Variants in PEAK1 observed in about 807,000 individuals in gnomAD.
The protein encoded by PEAK1 is pseudopodium enriched atypical kinase 1, also known as inactive tyrosine-protein kinase PEAK1.
Under a neutral mutation model 124.7 loss-of-function variants are expected in PEAK1, and 54 were observed. The ratio of observed to expected loss-of-function variants is 0.43; its 90% confidence interval spans 0.35 to 0.54. PEAK1 has a LOEUF of 0.54. Ranked by LOEUF, PEAK1 falls within the 20% of genes least tolerant of loss-of-function variation. PEAK1 has a pLI of 0.01. For missense variants in PEAK1, 2,046 were observed against 2,134.5 expected, an observed-to-expected ratio of 0.96 and a Z score of 0.82; for synonymous variants, 719 against 760.0, an observed-to-expected ratio of 0.95 and a Z score of 0.89.
intron 2 of PEAK1, 118 bp from the exon 3 acceptor site, chr15:77,286,622 T>C: frequency 2.2e-6 from 1 of 461,014 alleles, no homozygotes; most frequent in Non-Finnish European, 3.5e-6. Context: ...TTATTCTATT[T>C]GATGAACTTA....
intron 2 of PEAK1, among the ~76,000 whole-genome samples, chr15:77,305,777 G>C (rs548462043): frequency 2.6e-5 from 4 of 152,272 alleles, no homozygotes; most frequent in African/African-American, 9.6e-5. Context: ...TATATAACCT[G>C]TGCACATCTT....
chr15:77,402,501 A>C (rs2071458027), intron 1 of PEAK1: 1 of 966,384 alleles, frequency 1.0e-6, no homozygotes, highest in Non-Finnish European at 1.2e-6. Context: ...TTACATGTTA[A>C]AATTATTAGT....
intron 2 of PEAK1, chr15:77,356,035 T>A: frequency 1.4e-6 from 1 of 705,812 alleles, no homozygotes; most frequent in Non-Finnish European, 1.7e-6. Flanking sequence ...TGTATTCCAG[T>A]GCCCATGTGC....
At chr15:77,169,147 T>C (rs2056330654) in intron 7 of PEAK1, among the ~76,000 whole-genome samples, 1 of 152,172 alleles carries the variant, frequency 6.6e-6, no homozygotes, top group Non-Finnish European at 1.5e-5. Flanking sequence ...CAGGCTGAAC[T>C]TGAACTCCTG....
intron 1 of PEAK1, among the ~76,000 whole-genome samples, chr15:77,386,953 A>G (rs995808039): frequency 1.3e-5 from 2 of 152,136 alleles, no homozygotes; most frequent in Admixed American, 6.6e-5. Flanking sequence ...TCTCTAATAC[A>G]ATTATTGTGT....
At chr15:77,107,688 A>C (rs916530079), downstream of PEAK1, 1 of 152,254 alleles carries the variant, frequency 6.6e-6, no homozygotes, top group Admixed American at 6.5e-5. Flanking sequence ...GCCCCTGTGT[A>C]TCACTGTGTC....
chr15:77,128,849 C>A (rs561146185), intron 9 of PEAK1, among the ~76,000 whole-genome samples: 6 of 152,272 alleles, frequency 3.9e-5, no homozygotes, highest in African/African-American at 1.4e-4. Context: ...GGACTTTAGA[C>A]TTTAGAGTTG....
At chr15:77,391,733 A>G (rs922351215) in intron 1 of PEAK1, among the ~76,000 whole-genome samples, 30 of 152,188 alleles carry the variant, frequency 2.0e-4, no homozygotes, top group Non-Finnish European at 4.0e-4. Flanking sequence ...ATCACTATCA[A>G]AGGATCCTAA....
At chr15:77,268,256 C>T (rs1454878973) in intron 5 of PEAK1, among the ~76,000 whole-genome samples, 2 of 152,174 alleles carry the variant, frequency 1.3e-5, no homozygotes, top group Non-Finnish European at 2.9e-5. Context: ...GGGCAGATCA[C>T]TTGATGTCAG....
intron 7 of PEAK1, among the ~76,000 whole-genome samples, chr15:77,163,299 A>C (rs2055822267): frequency 6.6e-6 from 1 of 152,214 alleles, no homozygotes; most frequent in Admixed American, 6.5e-5. Context: ...ACAAAGACAA[A>C]TCATTTTCTG....
chr15:77,166,341 G>T (rs1567054117), intron 7 of PEAK1, among the ~76,000 whole-genome samples: 1 of 152,124 alleles, frequency 6.6e-6, no homozygotes, highest in Non-Finnish European at 1.5e-5. Flanking sequence ...AATAATAGTG[G>T]CCAAAATTTA....
rs928311032 is a variant in PEAK1 at position 77,305,169 on chromosome 15, A to AGAAGGAAG, written c.-602-18673_-602-18666dup. 3.2e-5 allele frequency among the ~76,000 whole-genome samples: 2 copies of AGAAGGAAG among 62,204 alleles called. 1 individual carries two copies. The highest frequency in any genetic ancestry group is 1.3e-3 in the South Asian group (2 of 1,534). The allele number at this position is 62,204 out of a possible 152,430, so 40.8% of individuals were successfully genotyped here. ...AAAAAAGGAAGGAAGGAAGGAGGGA[A>AGAAGGAAG]GAAGGAAGGAAGGAAGGGAGGGAGG... On this transcript the variant is annotated intron_variant, in intron 2 of 9. Transcript: ENST00000682557.
At chr15:77,350,459 T>C (rs2067138660) in intron 2 of PEAK1, 1 of 985,116 alleles carries the variant, frequency 1.0e-6, no homozygotes. Context: ...TAAGATAGTG[T>C]ATATATCTTA....
chr15:77,174,615 A>C (rs1555430150), intron 7 of PEAK1, among the ~76,000 whole-genome samples: 1 of 152,332 alleles, frequency 6.6e-6, no homozygotes, highest in East Asian at 1.9e-4. Context: ...TTTTCTACTT[A>C]GTCTGGGACA....
intron 3 of PEAK1, 26 bp from the exon 4 acceptor site, chr15:77,285,081 C>CAA (rs61149018): frequency 2.8e-4 from 38 of 134,414 alleles, no homozygotes; most frequent in South Asian, 7.4e-4. Context: ...AGACTCGTCT[C>CAA]AAAAAAAAAA....
rs1308629664 is a variant in PEAK1 at position 77,112,701 on chromosome 15, A to C, written c.*1455T>G. 1 of 125,262 alleles carries C rather than the reference A, an allele frequency of 8.0e-6. No individual in the cohort carries two copies. Among genetic ancestry groups the C allele is most frequent in the Non-Finnish European group, 1.8e-5 (1 of 54,468 alleles). 7.8% of individuals were successfully genotyped at this position (125,262 alleles called of 1,614,324 possible). A position where few individuals can be genotyped will look rare whatever the true frequency, so the allele number is the denominator to read the frequency against. On this transcript the variant is annotated 3_prime_UTR_variant, in exon 10 of 10. Transcript: ENST00000682557. ...CACACACACACACACACACACACAC[A>C]CACAACCCCAGTGGAAGGAACGCTC...
chr15:77,244,573 T>C (rs1459082411), intron 6 of PEAK1, among the ~76,000 whole-genome samples: 2 of 151,784 alleles, frequency 1.3e-5, no homozygotes, highest in Non-Finnish European at 2.9e-5. Flanking sequence ...ATATATGATT[T>C]CCTCAAGGGA....
intron 5 of PEAK1, among the ~76,000 whole-genome samples, chr15:77,283,293 A>G (rs370496226): frequency 3.9e-5 from 6 of 152,282 alleles, no homozygotes; most frequent in Admixed American, 2.6e-4. Context: ...CCTTTCTTTT[A>G]TTAGTTCTAC....
intron 1 of PEAK1, among the ~76,000 whole-genome samples, chr15:77,373,347 G>A (rs2068779779): frequency 6.6e-6 from 1 of 152,032 alleles, no homozygotes; most frequent in African/African-American, 2.4e-5. Flanking sequence ...CCCTATGCAC[G>A]TTTATATACT....
Sources: allele counts gnomAD v4.1 joint callset (sites outside exome capture counted in the v4.1 genomes callset), GRCh38; gene constraint gnomAD v4.1.1; transcripts MANE v1.5; gene names NCBI Gene and HGNC (gene_info 2026-07-23, HGNC 2026-07-21).